Variants in EIF5A2 observed in about 807,000 individuals in gnomAD.
The protein encoded by EIF5A2 is eukaryotic translation initiation factor 5A2, also known as eukaryotic translation initiation factor 5A-2.
A neutral mutation model predicts 16.4 loss-of-function variants in EIF5A2; 15 were observed. The ratio of observed to expected loss-of-function variants is 0.92; its 90% confidence interval spans 0.61 to 1.41. The LOEUF (loss-of-function observed/expected upper bound fraction) is 1.41, where lower values mean the gene tolerates loss of function less well. Among genes scored for constraint, EIF5A2 ranks in the 40% most tolerant of loss-of-function variants. The pLI is 0.00. For missense variants in EIF5A2, 144 were observed against 189.5 expected (o/e 0.76, Z 1.41); for synonymous variants, 48 against 61.1 (o/e 0.79, Z 1.00).
At chr3:170,900,764 G>A (rs144780488) in intron 3 of EIF5A2, among the ~76,000 whole-genome samples, 17 of 151,870 alleles carry the variant, frequency 1.1e-4, no homozygotes, top group African/African-American at 3.9e-4. Flanking sequence ...ACCCACCCCC[G>A]CTACACGCAC....
intron 3 of EIF5A2, among the ~76,000 whole-genome samples, chr3:170,899,612 C>A (rs1231704717): frequency 3.3e-5 from 5 of 151,672 alleles, no homozygotes; most frequent in Non-Finnish European, 7.4e-5. Flanking sequence ...TATCAGGAGG[C>A]AAATGTCAAT....
chr3:170,907,812 G>A lies in EIF5A2; in HGVS notation c.-6C>T. 1 of 1,527,992 alleles carries A rather than the reference G, an allele frequency of 6.5e-7. No homozygotes were observed. The highest frequency in any genetic ancestry group is 8.9e-7 in the Non-Finnish European group (1 of 1,122,978). 94.7% of individuals were successfully genotyped at this position (1,527,992 alleles called of 1,614,324 possible). ...AAATCAATTTCGTCTGCCATGGTGGGCAGGGGAGATGGTAGTTTTTCCGTG... is the reference window on the plus strand; with the variant it reads ...AAATCAATTTCGTCTGCCATGGTGGACAGGGGAGATGGTAGTTTTTCCGTG... On this transcript the variant is annotated 5_prime_UTR_variant, in exon 2 of 5. Coordinates refer to ENST00000295822, the MANE Select transcript of EIF5A2 (RefSeq NM_020390.6).
At chr3:170,894,966 C>T (rs768687244) in intron 3 of EIF5A2, among the ~76,000 whole-genome samples, 6 of 131,186 alleles carry the variant, frequency 4.6e-5, no homozygotes, top group Non-Finnish European at 6.2e-5. Flanking sequence ...GTGGAGCTTG[C>T]GGTGAGCCAA....
At position 170,893,099 on chromosome 3, in the gene EIF5A2, T is replaced by C. The variant is rs550569447; in HGVS notation, c.*261A>G. 24 of 448,068 alleles carry C rather than the reference T, an allele frequency of 5.4e-5. 1 individual carries two copies. The South Asian group carries it at 1.4e-3, about 26-fold the overall frequency. The allele number at this position is 448,068 out of a possible 1,614,324, so 27.8% of individuals were successfully genotyped here. On this transcript the variant is annotated 3_prime_UTR_variant, in exon 5 of 5. Coordinates refer to ENST00000295822, the MANE Select transcript of EIF5A2 (RefSeq NM_020390.6). ...ACAAATCACATCTGCTGAAGCTATC[T>C]TGTTTGTTTCTTGGACTGACATACT...
chr3:170,892,833 T>C lies in EIF5A2; in HGVS notation c.*527A>G. ...ACCAAAGTAATCACATGGTTGCATG[T>C]GGCCACCAAAATAACTGACAGTTTT... On this transcript the variant is annotated 3_prime_UTR_variant, in exon 5 of 5. Coordinates refer to ENST00000295822, the MANE Select transcript of EIF5A2 (RefSeq NM_020390.6). The C allele has an allele frequency of 2.5e-6, 1 of 399,094 alleles. No individual in the cohort carries two copies. Among genetic ancestry groups the C allele is most frequent in the Non-Finnish European group, 4.4e-6 (1 of 226,168 alleles). The allele number at this position is 399,094 out of a possible 1,614,324, so 24.7% of individuals were successfully genotyped here. A position where few individuals can be genotyped will look rare whatever the true frequency, so the allele number is the denominator to read the frequency against.
chr3:170,908,143 G>A (rs1412019243), intron 1 of EIF5A2, among the ~76,000 whole-genome samples: 1 of 152,140 alleles, frequency 6.6e-6, no homozygotes, highest in Non-Finnish European at 1.5e-5. Context: ...AGAAGCCGGC[G>A]ACCTTCCCCC....
At chr3:170,896,284 A>G (rs144341702) in intron 3 of EIF5A2, among the ~76,000 whole-genome samples, 1 of 152,376 alleles carries the variant, frequency 6.6e-6, no homozygotes, top group African/African-American at 2.4e-5. Flanking sequence ...AAACATTAAG[A>G]TAAATTGCTA....
At chr3:170,898,309 G>C (rs1183253978) in intron 3 of EIF5A2, among the ~76,000 whole-genome samples, 2 of 152,124 alleles carry the variant, frequency 1.3e-5, no homozygotes, top group African/African-American at 4.8e-5. Context: ...ATTTGGAAGG[G>C]GCCAGGGACA....
At position 170,891,596 on chromosome 3, in the gene EIF5A2, C is replaced by T. The variant is rs3796294; in HGVS notation, c.*1764G>A. On this transcript the variant is annotated 3_prime_UTR_variant, in exon 5 of 5. Coordinates refer to ENST00000295822, the MANE Select transcript of EIF5A2 (RefSeq NM_020390.6). Reference sequence around the variant, plus strand: ...CAGTCACTGATTAGATCAGTTACATCATCATATATGATATACTTTCCTTTA... The same window carrying T: ...CAGTCACTGATTAGATCAGTTACATTATCATATATGATATACTTTCCTTTA... The T allele has an allele frequency of 0.23, 34,455 of 152,432 alleles. 3,938 individuals carry two copies. The highest frequency in any genetic ancestry group is 0.28 in the Middle Eastern group (83 of 294). The allele number at this position is 152,432 out of a possible 1,614,324, so 9.4% of individuals were successfully genotyped here. A position where few individuals can be genotyped will look rare whatever the true frequency, so the allele number is the denominator to read the frequency against.
chr3:170,906,616 G>C (rs1712941224), intron 3 of EIF5A2, among the ~76,000 whole-genome samples: 1 of 152,114 alleles, frequency 6.6e-6, no homozygotes, highest in African/African-American at 2.4e-5. Flanking sequence ...GGTCTGATCA[G>C]TGAAAAGAAA....
rs1183146564 is a variant in EIF5A2, at chr3:170,891,243, T to G, written c.*2117A>C. 1 of 152,592 alleles carries G rather than the reference T, an allele frequency of 6.6e-6. No homozygotes were observed. Among genetic ancestry groups the G allele is most frequent in the East Asian group, 1.9e-4 (1 of 5,192 alleles). The allele number at this position is 152,592 out of a possible 1,614,324, so 9.5% of individuals were successfully genotyped here. On this transcript the variant is annotated 3_prime_UTR_variant, in exon 5 of 5. Coordinates refer to ENST00000295822, the MANE Select transcript of EIF5A2 (RefSeq NM_020390.6). ...GATTAATAATTTTCTGGAATTCCTA[T>G]GAGTTACAATGCCAACCAGTAGCAA...
chr3:170,901,160 C>G (rs2108294976), intron 3 of EIF5A2, among the ~76,000 whole-genome samples: 1 of 152,260 alleles, frequency 6.6e-6, no homozygotes, highest in African/African-American at 2.4e-5. Flanking sequence ...GTGGGAAAGT[C>G]TACAGAAGAA....
chr3:170,895,844 A>G (rs770556436), intron 3 of EIF5A2, among the ~76,000 whole-genome samples: 3 of 151,330 alleles, frequency 2.0e-5, no homozygotes, highest in Non-Finnish European at 2.9e-5. Context: ...TTTTTAAAAA[A>G]TATATATATT....
intron 3 of EIF5A2, among the ~76,000 whole-genome samples, chr3:170,899,481 C>T (rs997945462): frequency 4.0e-5 from 6 of 151,832 alleles, no homozygotes; most frequent in African/African-American, 1.2e-4. Flanking sequence ...TCTCAAACTC[C>T]TGGGGGTTCA....
At position 170,890,486 on chromosome 3, in the gene EIF5A2, C is replaced by A. The variant is rs1360090977; in HGVS notation, c.*2874G>T. On this transcript the variant is annotated 3_prime_UTR_variant, in exon 5 of 5. Coordinates refer to ENST00000295822, the MANE Select transcript of EIF5A2 (RefSeq NM_020390.6). ...GCAACAGTTTCTTCAAGTGACTGAG[C>A]CCCTGGAAGGGAGCATGAAAAAAAC... 1.3e-5 allele frequency: 2 copies of A among 151,904 alleles called. No individual in the cohort carries two copies. Among genetic ancestry groups the A allele is most frequent in the Non-Finnish European group, 2.9e-5 (2 of 67,934 alleles). 9.4% of individuals were successfully genotyped at this position (151,904 alleles called of 1,614,324 possible). A position where few individuals can be genotyped will look rare whatever the true frequency, so the allele number is the denominator to read the frequency against.
At chr3:170,903,324 G>A (rs533811953) in intron 3 of EIF5A2, among the ~76,000 whole-genome samples, 5 of 152,244 alleles carry the variant, frequency 3.3e-5, no homozygotes, top group African/African-American at 7.2e-5. Context: ...CAGATAATTC[G>A]CTGGCTCACG....
At chr3:170,907,495 TA>T in intron 2 of EIF5A2, 146 bp downstream of exon 2, 1 of 938,362 alleles carries the variant, frequency 1.1e-6, no homozygotes, top group Non-Finnish European at 1.5e-6. Flanking sequence ...GTATTCAACG[TA>T]ATAACTGATT....
chr3:170,896,545 T>C (rs1384175232), intron 3 of EIF5A2, among the ~76,000 whole-genome samples: 1 of 152,182 alleles, frequency 6.6e-6, no homozygotes, highest in Admixed American at 6.5e-5. Context: ...CCCCCTCACT[T>C]GCTGTATCTC....
At position 170,899,354 on chromosome 3, in the gene EIF5A2, C is replaced by T. The variant is rs553477814; in HGVS notation, c.271-4931G>A. Among the ~76,000 whole-genome samples the T allele has an allele frequency of 3.4e-4, 51 of 152,084 alleles. 1 individual carries two copies. The highest frequency in any genetic ancestry group is 5.1e-4 in the Non-Finnish European group (35 of 68,002). On this transcript the variant is annotated intron_variant, in intron 3 of 4. Transcript: ENST00000295822. ...AAGTGATCCACCCAACTCAGCCTCC[C>T]GAGTTACTGGGACCATAGGCATACA...
Sources: gnomAD v4.1 joint callset for allele counts (sites outside exome capture counted in the v4.1 genomes callset) on GRCh38, gnomAD v4.1.1 for gene constraint, MANE v1.5 for transcripts, NCBI Gene and HGNC (gene_info 2026-07-23, HGNC 2026-07-21) for gene names.